ZNF688: variants seen among roughly 807,000 people sequenced by gnomAD.
The protein encoded by ZNF688 is zinc finger protein 688.
Under a neutral mutation model 13.2 loss-of-function variants are expected in ZNF688, and 10 were observed. That is an observed-to-expected ratio of 0.76 (90% CI 0.47 to 1.28). ZNF688 has a LOEUF of 1.28. ZNF688 is among the 50% of genes most tolerant of loss of function. ZNF688 has a pLI of 0.00. For missense variants in ZNF688, 381 were observed against 391.4 expected, an observed-to-expected ratio of 0.97 and a Z score of 0.22; for synonymous variants, 160 against 159.4, an observed-to-expected ratio of 1.00 and a Z score of -0.03.
rs773310520 is a variant in ZNF688, at chr16:30,570,196, A to T, written c.551T>A (p.Val184Glu). The change falls in exon 3 of 3, where the codon GTG becomes GAG. Residue 184 changes from valine (V) to glutamate (E), a missense_variant. Val to Glu is a moderately radical substitution (Grantham distance 121, BLOSUM62 -2). Transcript: ENST00000223459. ...GAAGCGGCGGCCGCAGTCCGTGCAC[A>T]CGTGGCGCCGCTGGCCGGCCTGAGC... ...MDAQAGQRRH[V>E]CTDCGRRFTY... is the part of the protein sequence containing the mutation. The T allele has an allele frequency of 6.2e-7, 1 of 1,611,790 alleles. No homozygotes were observed. Among genetic ancestry groups the T allele is most frequent in the Non-Finnish European group, 8.5e-7 (1 of 1,179,326 alleles).
At chr16:30,578,158 C>A in the ZNF688 span, among the ~76,000 whole-genome samples, 2 of 152,064 alleles carry the variant, frequency 1.3e-5, no homozygotes, top group Non-Finnish European at 2.9e-5. Context: ...GGGCAAAACC[C>A]CATCTGTACA....
upstream of ZNF688, among the ~76,000 whole-genome samples, chr16:30,576,520 T>G (rs2051749688): frequency 6.6e-6 from 1 of 151,576 alleles, no homozygotes; most frequent in Non-Finnish European, 1.5e-5. Flanking sequence ...ACCCAGCTAA[T>G]TTTTGTATTT....
At chr16:30,570,681 T>C (rs780523922) in intron 2 of ZNF688, 7 of 460,142 alleles carry the variant, frequency 1.5e-5, no homozygotes, top group Non-Finnish European at 2.6e-5. Context: ...GCTGAGTAGA[T>C]GCATGTTAAG....
Position 30,570,307 on chromosome 16 carries a change from G to T in ZNF688, c.440C>A (p.Ala147Asp). ...ERNPDPAISV[A>D]PARAQPPKNA... is the part of the protein sequence containing the mutation. ...TTTGGGTGGCTGTGCCCGTGCCGGG[G>T]CCACGCTAATAGCTGGGTCAGGGTT... Residue 147 changes from alanine to aspartate, a missense_variant, in exon 3 of 3, where the codon GCC (alanine) becomes GAC (aspartate). By Grantham distance (126) the Ala-to-Asp change is moderately radical. Coordinates refer to ENST00000223459, the MANE Select transcript of ZNF688 (RefSeq NM_145271.4). 1.9e-6 allele frequency: 3 copies of T among 1,614,114 alleles called. No individual in the cohort carries two copies. The highest frequency in any genetic ancestry group is 2.5e-6 in the Non-Finnish European group (3 of 1,180,024).
At chr16:30,575,803 C>T (rs1254371053), upstream of ZNF688, among the ~76,000 whole-genome samples, 5 of 150,112 alleles carry the variant, frequency 3.3e-5, no homozygotes, top group Non-Finnish European at 5.9e-5. Flanking sequence ...ATTACAGGCG[C>T]GTGCCACCAC....
chr16:30,579,351 TGTG>T, the ZNF688 span: 1 of 160,172 alleles, frequency 6.2e-6, no homozygotes, highest in East Asian at 1.8e-4. Context: ...GGAGAGGCTA[TGTG>T]GTGAAGTAAA....
chr16:30,576,235 G>A (rs2051745784), upstream of ZNF688, among the ~76,000 whole-genome samples: 1 of 151,480 alleles, frequency 6.6e-6, no homozygotes, highest in African/African-American at 2.4e-5. Context: ...TGTTTGAGAT[G>A]GAGTCTCGCT....
chr16:30,570,727 TTATTTATTTATTTA>T (rs1349733140), intron 2 of ZNF688: 15 of 288,374 alleles, frequency 5.2e-5, no homozygotes, highest in Non-Finnish European at 8.3e-5. Flanking sequence ...GGGCTATTAT[TTATTTATTTATTTA>T]TTTATTTATT....
the ZNF688 span, among the ~76,000 whole-genome samples, chr16:30,577,793 G>A: frequency 4.0e-5 from 6 of 150,578 alleles, no homozygotes; most frequent in African/African-American, 7.3e-5. Flanking sequence ...AGCAATTCTC[G>A]TGCCTCAGCC....
intron 2 of ZNF688, 74 bp from the exon 3 acceptor site, chr16:30,570,510 CT>C (rs2051658487): frequency 2.6e-6 from 4 of 1,520,492 alleles, no homozygotes; most frequent in Non-Finnish European, 3.5e-6. Flanking sequence ...ATGCTTTTCA[CT>C]TAAGGCAGTG....
At chr16:30,570,484 T>C (rs1233329357) in intron 2 of ZNF688, 48 bp from the exon 3 acceptor site, 1 of 1,564,004 alleles carries the variant, frequency 6.4e-7, no homozygotes, top group African/African-American at 1.4e-5. Flanking sequence ...TTGCACAGAC[T>C]GTCTCAGGTT....
At chr16:30,575,557 T>C (rs1463966922), upstream of ZNF688, among the ~76,000 whole-genome samples, 4 of 152,048 alleles carry the variant, frequency 2.6e-5, no homozygotes, top group Non-Finnish European at 5.9e-5. Context: ...ACATGGTAGT[T>C]CTGTTTTTGT....
chr16:30,572,252 G>A, upstream of ZNF688: 4 of 1,560,620 alleles, frequency 2.6e-6, no homozygotes, highest in Non-Finnish European at 3.5e-6. Context: ...TTGACAGACT[G>A]GAGCGCAGCG....
upstream of ZNF688, among the ~76,000 whole-genome samples, chr16:30,573,196 G>A (rs1031619997): frequency 2.0e-5 from 3 of 152,148 alleles, no homozygotes; most frequent in African/African-American, 4.8e-5. Context: ...CGTGAGCCAC[G>A]GCGCCCGGCC....
At chr16:30,570,477 CA>C (rs1163680396) in intron 2 of ZNF688, 41 bp from the exon 3 acceptor site, 2 of 1,580,042 alleles carry the variant, frequency 1.3e-6, no homozygotes, top group East Asian at 4.5e-5. Context: ...AACACTTTTG[CA>C]CAGACTGTCT....
At chr16:30,573,979 G>A, upstream of ZNF688, 1 of 276,774 alleles carries the variant, frequency 3.6e-6, no homozygotes. Context: ...CAGCCCAGTT[G>A]CTCACACCTG....
chr16:30,578,164 G>A, the ZNF688 span, among the ~76,000 whole-genome samples: 1 of 152,044 alleles, frequency 6.6e-6, no homozygotes, highest in Non-Finnish European at 1.5e-5. Context: ...AACCCCATCT[G>A]TACAAAAAAT....
Position 30,570,063 on chromosome 16 carries a change from C to A in ZNF688, c.684G>T (p.Ala228=), listed in dbSNP as rs746245485. 3 of 1,610,774 alleles carry A rather than the reference C, an allele frequency of 1.9e-6. No homozygotes were observed. The highest frequency in any genetic ancestry group is 1.8e-4 in the Middle Eastern group (1 of 5,512). The change falls in exon 3 of 3, where the codon GCG becomes GCT. Residue 228 remains alanine (A), a synonymous_variant. Transcript: ENST00000223459. ...MRFKRKFAVE[A]HQWIHRSCSG... is the part of the protein sequence containing the mutation. ...AGCAGGAGCGGTGGATCCACTGGTG[C>A]GCTTCCACTGCGAACTTCCTCTTGA...
chr16:30,573,348 C>T (rs2051714437), upstream of ZNF688, among the ~76,000 whole-genome samples: 2 of 152,198 alleles, frequency 1.3e-5, no homozygotes, highest in African/African-American at 4.8e-5. Context: ...CAGTTCTTCT[C>T]ATACCGGGTC....
Sources: gnomAD v4.1 joint callset for allele counts (sites outside exome capture counted in the v4.1 genomes callset) on GRCh38, gnomAD v4.1.1 for gene constraint, MANE v1.5 for transcripts, NCBI Gene and HGNC (gene_info 2026-07-23, HGNC 2026-07-21) for gene names.